ABL2: variants seen among roughly 807,000 people sequenced by gnomAD.
ABL2 encodes ABL proto-oncogene 2, non-receptor tyrosine kinase.
ABL2 carries 49 observed loss-of-function variants against 107.7 expected under a neutral mutation model. The observed-to-expected ratio is 0.45, with a 90% confidence interval of 0.36 to 0.58. The LOEUF (loss-of-function observed/expected upper bound fraction) is 0.58, where lower values mean the gene tolerates loss of function less well. ABL2 is among the 20% of genes least tolerant of loss of function. The pLI, the probability that ABL2 is intolerant of heterozygous loss-of-function variation, is 0.00. For missense variants in ABL2, 1,245 were observed against 1,457.0 expected (o/e 0.85, Z 2.37); for synonymous variants, 549 against 548.6 (o/e 1.00, Z -0.01).
chr1:179,110,888 C>T (rs747771235), intron 10 of ABL2: 4 of 1,612,270 alleles, frequency 2.5e-6, no homozygotes, highest in Non-Finnish European at 3.4e-6. Context: ...TTTATTAGGC[C>T]CTGCCAACCT....
intron 5 of ABL2, 89 bp from the exon 6 acceptor site, chr1:179,120,363 T>A: frequency 1.5e-6 from 1 of 680,098 alleles, no homozygotes. Flanking sequence ...ATCATAAAGC[T>A]TCAGCTTTAA....
chr1:179,125,144 C>A (rs920363288), intron 4 of ABL2, among the ~76,000 whole-genome samples: 4 of 152,164 alleles, frequency 2.6e-5, no homozygotes, highest in South Asian at 2.1e-4. Context: ...TGTGTCAGAA[C>A]TGTGAACTAC....
At chr1:179,157,216 G>A (rs1402997379) in intron 1 of ABL2, among the ~76,000 whole-genome samples, 2 of 151,972 alleles carry the variant, frequency 1.3e-5, no homozygotes, top group African/African-American at 2.4e-5. Context: ...TTAGGGATAC[G>A]GTCTGGGCAC....
chr1:179,130,304 A>C (rs1448873172), intron 3 of ABL2, among the ~76,000 whole-genome samples: 1 of 152,220 alleles, frequency 6.6e-6, no homozygotes, highest in Non-Finnish European at 1.5e-5. Flanking sequence ...TGCTACTCAG[A>C]ATGTCTGCGA....
chr1:179,123,881 T>A (rs1655467063), intron 4 of ABL2, among the ~76,000 whole-genome samples: 1 of 152,132 alleles, frequency 6.6e-6, no homozygotes, highest in Non-Finnish European at 1.5e-5. Context: ...TCTACCCTCC[T>A]TGGCCTCCCC....
intron 3 of ABL2, among the ~76,000 whole-genome samples, chr1:179,129,886 T>G (rs2493124): frequency 6.6e-6 from 1 of 151,912 alleles, no homozygotes; most frequent in Non-Finnish European, 1.5e-5. Context: ...CTATGTACAA[T>G]TGGCCAGCAC....
chr1:179,123,698 T>C (rs1240899752), intron 4 of ABL2, among the ~76,000 whole-genome samples: 6 of 152,154 alleles, frequency 3.9e-5, no homozygotes, highest in African/African-American at 4.8e-5. Flanking sequence ...GACACAATCA[T>C]GACTCACTGC....
intron 1 of ABL2, among the ~76,000 whole-genome samples, chr1:179,195,099 C>T (rs201181211): frequency 2.0e-5 from 3 of 152,032 alleles, no homozygotes; most frequent in South Asian, 4.2e-4. Flanking sequence ...ACCAGCCTGG[C>T]CAACAAGGTG....
chr1:179,122,732 C>A (rs1416972551), intron 4 of ABL2, among the ~76,000 whole-genome samples: 2 of 152,042 alleles, frequency 1.3e-5, no homozygotes, highest in East Asian at 3.9e-4. Flanking sequence ...CAGCTCACTG[C>A]AACCTCCGCC....
Position 179,103,498 on chromosome 1 carries a change from G to T in ABL2, c.*4220C>A, listed in dbSNP as rs959641026. Reference sequence around the variant, plus strand: ...TTTTTTTAAAGAAAAGGGAATGTAGGACTAACTAGGTTTTTTAAAAACTCA... The same window carrying T: ...TTTTTTTAAAGAAAAGGGAATGTAGTACTAACTAGGTTTTTTAAAAACTCA... On this transcript the variant is annotated 3_prime_UTR_variant, in exon 12 of 12. Transcript: ENST00000502732. 4.8e-6 allele frequency: 1 copy of T among 207,542 alleles called. No homozygotes were observed. The highest frequency in any genetic ancestry group is 2.4e-5 in the African/African-American group (1 of 41,680). 12.9% of individuals were successfully genotyped at this position (207,542 alleles called of 1,614,324 possible).
intron 1 of ABL2, among the ~76,000 whole-genome samples, chr1:179,198,139 C>G (rs1661429640): frequency 6.8e-6 from 1 of 147,212 alleles, no homozygotes; most frequent in African/African-American, 2.5e-5. Flanking sequence ...CGCCACTGCA[C>G]TCCAGCCTGG....
At chr1:179,158,174 T>C (rs952105268) in intron 1 of ABL2, among the ~76,000 whole-genome samples, 3 of 151,996 alleles carry the variant, frequency 2.0e-5, no homozygotes, top group Non-Finnish European at 2.9e-5. Flanking sequence ...CAGGAAAGAA[T>C]AGGCAAAAGG....
In ABL2 at chr1:179,114,774, G is replaced by A. The variant is rs557453747; in HGVS notation, c.1561+104C>T. 5.1e-4 allele frequency: 605 copies of A among 1,189,470 alleles called. 1 individual carries two copies. In the African/African-American group the frequency reaches 8.7e-3, roughly 17 times the overall value. The allele number at this position is 1,189,470 out of a possible 1,614,324, so 73.7% of individuals were successfully genotyped here. A position where few individuals can be genotyped will look rare whatever the true frequency, so the allele number is the denominator to read the frequency against. Reference sequence around the variant, plus strand: ...TAAACTCTTTAAATGTCATGAGGCTGGATTCAATCTAACAACACTGAGAGG... The same window carrying A: ...TAAACTCTTTAAATGTCATGAGGCTAGATTCAATCTAACAACACTGAGAGG... On this transcript the variant is annotated intron_variant, in intron 9 of 11. Coordinates refer to ENST00000502732, the MANE Select transcript of ABL2 (RefSeq NM_007314.4).
chr1:179,184,201 T>A (rs1220661695), intron 1 of ABL2: 2 of 478,146 alleles, frequency 4.2e-6, no homozygotes, highest in African/African-American at 4.0e-5. Context: ...CTGACCAAAG[T>A]TGAAGTGACA....
At chr1:179,165,031 A>T (rs745595020) in intron 1 of ABL2, among the ~76,000 whole-genome samples, 1 of 152,216 alleles carries the variant, frequency 6.6e-6, no homozygotes, top group Non-Finnish European at 1.5e-5. Context: ...GGTGAATGTG[A>T]TCTATGTCTC....
intron 1 of ABL2, among the ~76,000 whole-genome samples, chr1:179,141,264 C>A (rs1657563869): frequency 6.6e-6 from 1 of 151,640 alleles, no homozygotes; most frequent in South Asian, 2.1e-4. Context: ...GTACTCCAAT[C>A]TAGACAATAG....
chr1:179,227,354 C>T (rs901420662), intron 1 of ABL2, among the ~76,000 whole-genome samples: 1 of 152,170 alleles, frequency 6.6e-6, no homozygotes, highest in Admixed American at 6.6e-5. Flanking sequence ...CATAATGATG[C>T]TTCATTCCTG....
At chr1:179,186,290 T>G (rs899674008) in intron 1 of ABL2, among the ~76,000 whole-genome samples, 1 of 152,132 alleles carries the variant, frequency 6.6e-6, no homozygotes, top group African/African-American at 2.4e-5. Flanking sequence ...AACTACTTAA[T>G]GAGTAATGTA....
chr1:179,154,719 G>A (rs1256672419), intron 1 of ABL2, among the ~76,000 whole-genome samples: 1 of 152,156 alleles, frequency 6.6e-6, no homozygotes, highest in African/African-American at 2.4e-5. Context: ...TTGTGTTCTG[G>A]CCAAAAGAAC....
Sources: gnomAD v4.1 joint callset for allele counts (sites outside exome capture counted in the v4.1 genomes callset) on GRCh38, gnomAD v4.1.1 for gene constraint, MANE v1.5 for transcripts, NCBI Gene and HGNC (gene_info 2026-07-23, HGNC 2026-07-21) for gene names.